ERC2: variants seen among roughly 807,000 people sequenced by gnomAD.
The protein encoded by ERC2 is ERC protein 2.
In ERC2, 42 loss-of-function variants were observed where a neutral mutation model predicts 114.8. The observed-to-expected ratio is 0.37, with a 90% CI of 0.29 to 0.47. The LOEUF (loss-of-function observed/expected upper bound fraction) is 0.47, where lower values mean the gene tolerates loss of function less well. ERC2 is among the 20% of genes least tolerant of loss of function. ERC2 has a pLI of 0.99. For synonymous variants in ERC2, 454 were observed against 425.5 expected (o/e 1.07, Z -0.82); for missense variants, 939 against 1,150.7 (o/e 0.82, Z 2.66).
chr3:56,426,963 A>C (rs1001333559), intron 2 of ERC2, among the ~76,000 whole-genome samples: 2 of 149,208 alleles, frequency 1.3e-5, no homozygotes, highest in Non-Finnish European at 3.0e-5. Flanking sequence ...GGAGTTCAAG[A>C]CCAGCTTGGG....
chr3:55,935,898 A>T (rs189839503), intron 13 of ERC2, among the ~76,000 whole-genome samples: 1 of 152,338 alleles, frequency 6.6e-6, no homozygotes, highest in Admixed American at 6.5e-5. Context: ...CACATCTTCA[A>T]ATGCCAACAA....
chr3:55,644,199 A>G (rs987357406), intron 17 of ERC2, among the ~76,000 whole-genome samples: 6 of 152,218 alleles, frequency 3.9e-5, no homozygotes, highest in African/African-American at 1.4e-4. Context: ...CATCTGTAAA[A>G]TGAGAATAAT....
chr3:56,226,460 C>T (rs1475743892), intron 3 of ERC2, among the ~76,000 whole-genome samples: 1 of 151,998 alleles, frequency 6.6e-6, no homozygotes, highest in African/African-American at 2.4e-5. Flanking sequence ...AGGCTGAGGC[C>T]GGAGAAAGGC....
chr3:56,077,508 G>A (rs1982767), intron 7 of ERC2, among the ~76,000 whole-genome samples: 149,141 of 152,306 alleles, frequency 0.98, 73,025 homozygotes, highest in East Asian at 1. Context: ...GCTGTGGAGG[G>A]AAGTTTAAAA....
chr3:56,429,889 A>G (rs1370600846), intron 2 of ERC2, among the ~76,000 whole-genome samples: 3 of 152,174 alleles, frequency 2.0e-5, no homozygotes, highest in Non-Finnish European at 4.4e-5. Context: ...CCTCCCTTAG[A>G]TCTGGAGTTG....
intron 17 of ERC2, among the ~76,000 whole-genome samples, chr3:55,593,706 T>C (rs1052041509): frequency 1.3e-5 from 2 of 152,172 alleles, no homozygotes; most frequent in East Asian, 1.9e-4. Flanking sequence ...TTCCTCCTTA[T>C]ACTTCTCCCA....
intron 16 of ERC2, 105 bp downstream of exon 16, chr3:55,699,273 A>G: frequency 7.1e-7 from 1 of 1,414,564 alleles, no homozygotes; most frequent in Non-Finnish European, 9.9e-7. Context: ...AGTTCAAAGA[A>G]CGTATCACTT....
chr3:56,227,012 C>G (rs2050289256), intron 3 of ERC2, among the ~76,000 whole-genome samples: 1 of 152,024 alleles, frequency 6.6e-6, no homozygotes, highest in South Asian at 2.1e-4. Context: ...TCAACTACCT[C>G]CACCTCAGTG....
intron 2 of ERC2, among the ~76,000 whole-genome samples, chr3:56,425,560 C>CTTTTTTTT (rs67210393): frequency 1.5e-4 from 19 of 123,940 alleles, no homozygotes; most frequent in East Asian, 2.5e-4. Flanking sequence ...GACCCTTTTT[C>CTTTTTTTT]TTTTTTTTTT....
At chr3:55,853,104 G>A (rs1011417169) in intron 14 of ERC2, among the ~76,000 whole-genome samples, 2 of 152,160 alleles carry the variant, frequency 1.3e-5, no homozygotes, top group Non-Finnish European at 2.9e-5. Context: ...GAGCACAATC[G>A]CCCCTGGTTG....
chr3:55,700,900 C>A (rs1041094598), intron 15 of ERC2, among the ~76,000 whole-genome samples: 1 of 152,088 alleles, frequency 6.6e-6, no homozygotes, highest in African/African-American at 2.4e-5. Flanking sequence ...TAATGAGTGA[C>A]CAAAAGAATG....
chr3:56,158,705 T>C (rs568339712), intron 4 of ERC2, among the ~76,000 whole-genome samples: 1 of 151,968 alleles, frequency 6.6e-6, no homozygotes, highest in Non-Finnish European at 1.5e-5. Context: ...AACCTTCTCC[T>C]CTTTGGAACC....
chr3:56,253,730 T>C (rs1355477996), intron 3 of ERC2, among the ~76,000 whole-genome samples: 1 of 152,154 alleles, frequency 6.6e-6, no homozygotes, highest in Non-Finnish European at 1.5e-5. Flanking sequence ...AGCCTCTCCC[T>C]ATATATGAGA....
intron 15 of ERC2, among the ~76,000 whole-genome samples, chr3:55,724,021 A>G (rs2064751664): frequency 6.6e-6 from 1 of 152,194 alleles, no homozygotes; most frequent in Non-Finnish European, 1.5e-5. Context: ...AGGGACCAGG[A>G]AAAACCTGGT....
At position 55,822,960 on chromosome 3, in the gene ERC2, AC is replaced by A. The variant is rs1374367735; in HGVS notation, c.2564+65428del. Among the ~76,000 whole-genome samples, 3 of 152,158 alleles carry A rather than the reference AC, an allele frequency of 2.0e-5. No homozygotes were observed. In the East Asian group the frequency reaches 5.8e-4, roughly 29 times the overall value. ...ATGCTGCCTAGACTCGTCATGGCAA[AC>A]CCCTTCTTCTTTTTCTTCATTCGCC... is the stretch of plus-strand genomic sequence containing the variant. On this transcript the variant is annotated intron_variant, in intron 14 of 17. Transcript: ENST00000288221.
chr3:55,785,696 C>A lies in ERC2; in HGVS notation c.2565-50778G>T, dbSNP rs143087705. Among the ~76,000 whole-genome samples the A allele has an allele frequency of 4.6e-3, 702 of 152,318 alleles. 5 individuals are homozygous for A. Among genetic ancestry groups the A allele is most frequent in the African/African-American group, 0.016 (659 of 41,582 alleles). ...CCCGGAAGTGCCTTTGACTTTTCAG[C>A]AATGCCTCTACTTGGGGTCGATTCT... On this transcript the variant is annotated intron_variant, in intron 14 of 17. Coordinates refer to ENST00000288221, the MANE Select transcript of ERC2 (RefSeq NM_015576.3).
At chr3:55,749,113 G>C (rs778733480) in intron 14 of ERC2, among the ~76,000 whole-genome samples, 7 of 152,178 alleles carry the variant, frequency 4.6e-5, no homozygotes, top group Non-Finnish European at 8.8e-5. Flanking sequence ...TGCACAAATT[G>C]GAGGTGGGGG....
intron 14 of ERC2, among the ~76,000 whole-genome samples, chr3:55,843,656 G>T (rs1463869558): frequency 1.3e-5 from 2 of 152,188 alleles, no homozygotes; most frequent in Non-Finnish European, 2.9e-5. Context: ...CTTTAAATGT[G>T]GAATGTTTGC....
At chr3:56,084,003 T>C (rs2077375482) in intron 6 of ERC2, among the ~76,000 whole-genome samples, 1 of 150,632 alleles carries the variant, frequency 6.6e-6, no homozygotes, top group Non-Finnish European at 1.5e-5. Flanking sequence ...CAAGTAAAAT[T>C]TGAATGGAAA....
Sources: allele counts gnomAD v4.1 joint callset (sites outside exome capture counted in the v4.1 genomes callset), GRCh38; gene constraint gnomAD v4.1.1; transcripts MANE v1.5; gene names NCBI Gene and HGNC (gene_info 2026-07-23, HGNC 2026-07-21).